PPME1: variants seen among roughly 807,000 people sequenced by gnomAD.
PPME1 encodes the protein testicular secretory protein Li 39.
In PPME1, 17 loss-of-function variants were observed where a neutral mutation model predicts 56.9. The observed-to-expected ratio is 0.30, with a 90% confidence interval of 0.20 to 0.45. The LOEUF is 0.45. PPME1 is among the 20% of genes least tolerant of loss of function. PPME1 has a pLI of 1.00. For missense variants in PPME1, 357 were observed against 483.2 expected (o/e 0.74, Z 2.45); for synonymous variants, 122 against 156.2 (o/e 0.78, Z 1.63).
At chr11:74,195,683 A>G (rs1252291536) in intron 1 of PPME1, among the ~76,000 whole-genome samples, 1 of 152,156 alleles carries the variant, frequency 6.6e-6, no homozygotes, top group Non-Finnish European at 1.5e-5. Flanking sequence ...TTTTCCAAAT[A>G]ATCTTCCCTG....
intron 1 of PPME1, among the ~76,000 whole-genome samples, chr11:74,182,199 T>C (rs1303273768): frequency 2.0e-5 from 3 of 152,208 alleles, no homozygotes; most frequent in Non-Finnish European, 4.4e-5. Flanking sequence ...GACTTTATTT[T>C]TTTTTAAATG....
At chr11:74,220,494 A>G (rs1371498983) in intron 3 of PPME1, among the ~76,000 whole-genome samples, 1 of 152,044 alleles carries the variant, frequency 6.6e-6, no homozygotes, top group Admixed American at 6.6e-5. Flanking sequence ...AGGGTTGAAA[A>G]CCACCTGGAA....
intron 1 of PPME1, among the ~76,000 whole-genome samples, chr11:74,182,385 G>A (rs1295208220): frequency 6.6e-6 from 1 of 150,650 alleles, no homozygotes; most frequent in African/African-American, 2.4e-5. Context: ...TTGAGACAGA[G>A]TTCTCACTCT....
chr11:74,179,378 C>G (rs1239953140), intron 1 of PPME1, among the ~76,000 whole-genome samples: 1 of 152,142 alleles, frequency 6.6e-6, no homozygotes, highest in Non-Finnish European at 1.5e-5. Context: ...CCTGTTAGTC[C>G]CAGCTACTTG....
chr11:74,253,697 C>G lies in PPME1; in HGVS notation c.*187C>G. The stretch of plus-strand genomic sequence containing the variant: ...GCCAAAAGCATTGTTTTCCAGGGCC[C>G]TTGACCAACATCGGCTTCCCCAGTC... On this transcript the variant is annotated 3_prime_UTR_variant, in exon 14 of 14. Coordinates refer to ENST00000328257, the MANE Select transcript of PPME1 (RefSeq NM_016147.3). 1 of 672,716 alleles carries G rather than the reference C, an allele frequency of 1.5e-6. No individual in the cohort carries two copies. The highest frequency in any genetic ancestry group is 2.6e-6 in the Non-Finnish European group (1 of 386,660). 41.7% of individuals were successfully genotyped at this position (672,716 alleles called of 1,614,324 possible). A position where few individuals can be genotyped will look rare whatever the true frequency, so the allele number is the denominator to read the frequency against.
intron 9 of PPME1, among the ~76,000 whole-genome samples, chr11:74,242,907 G>T (rs1280294998): frequency 1.3e-5 from 2 of 148,276 alleles, no homozygotes; most frequent in Non-Finnish European, 3.0e-5. Flanking sequence ...AAAAAAACAG[G>T]CTGGAAGAAA....
chr11:74,210,001 G>A (rs776908840), intron 3 of PPME1, among the ~76,000 whole-genome samples: 2 of 152,288 alleles, frequency 1.3e-5, no homozygotes, highest in Non-Finnish European at 2.9e-5. Context: ...GTTCGAGGTT[G>A]TAGTGAGCCA....
intron 1 of PPME1, among the ~76,000 whole-genome samples, chr11:74,199,056 T>C (rs888373991): frequency 1.3e-5 from 2 of 152,226 alleles, no homozygotes; most frequent in African/African-American, 4.8e-5. Flanking sequence ...GCTATTTTGT[T>C]GTTGTTTGTT....
intron 3 of PPME1, among the ~76,000 whole-genome samples, chr11:74,208,729 T>C (rs967432616): frequency 6.6e-6 from 1 of 152,150 alleles, no homozygotes; most frequent in Non-Finnish European, 1.5e-5. Context: ...ACAAAGGTAA[T>C]GCAGAGGAAG....
At chr11:74,205,801 A>G (rs1265289265) in intron 3 of PPME1, 1 of 152,218 alleles carries the variant, frequency 6.6e-6, no homozygotes, top group East Asian at 1.9e-4. Flanking sequence ...CTTGTCCATA[A>G]GTACCAGGCT....
chr11:74,173,310 T>C (rs1357707777), intron 1 of PPME1, among the ~76,000 whole-genome samples: 1 of 152,188 alleles, frequency 6.6e-6, no homozygotes, highest in African/African-American at 2.4e-5. Flanking sequence ...ATAAATTTGA[T>C]TTTTCAGTAT....
At chr11:74,208,313 GAAA>G (rs534209366) in intron 3 of PPME1, among the ~76,000 whole-genome samples, 104 of 110,112 alleles carry the variant, frequency 9.4e-4, no homozygotes, top group African/African-American at 3.0e-3. Flanking sequence ...TCTGTCTCAA[GAAA>G]AAAAAAAAAA....
chr11:74,187,852 T>C (rs1857726930), intron 1 of PPME1, among the ~76,000 whole-genome samples: 1 of 152,252 alleles, frequency 6.6e-6, no homozygotes, highest in African/African-American at 2.4e-5. Context: ...CAAATGGAAT[T>C]AAGGTTGCTA....
intron 1 of PPME1, among the ~76,000 whole-genome samples, chr11:74,183,845 A>G (rs1857602577): frequency 6.6e-6 from 1 of 152,182 alleles, no homozygotes; most frequent in South Asian, 2.1e-4. Flanking sequence ...GGCAGTTAGC[A>G]TTTAGGAGCT....
In PPME1 at chr11:74,215,764, CTCTT is replaced by C. The variant is rs1262359065; in HGVS notation, c.289-6546_289-6543del. ...ACTGACCTGTTGCCTACTAGAAACA[CTCTT>C]TATCTGTAAAGACACATATAGACTG... On this transcript the variant is annotated intron_variant, in intron 3 of 13. Transcript: ENST00000328257. 4.6e-5 allele frequency among the ~76,000 whole-genome samples: 7 copies of C among 152,282 alleles called. No homozygotes were observed. The East Asian group carries it at 1.3e-3, about 29-fold the overall frequency.
Position 74,230,101 on chromosome 11 carries a change from A to C in PPME1, c.399-144A>C. ...ATGCTGGGGACATGTTAGAAGGTTT[A>C]CATAGGTATGTTTGTAAGATGGCCC... On this transcript the variant is annotated intron_variant, in intron 5 of 13. Coordinates refer to ENST00000328257, the MANE Select transcript of PPME1 (RefSeq NM_016147.3). This position sits in a 1 kb window ranked among gnomAD's most constrained non-coding sequence, Gnocchi z 4.9. The C allele has an allele frequency of 1.2e-6, 1 of 817,392 alleles. No homozygotes were observed. Among genetic ancestry groups the C allele is most frequent in the East Asian group, 2.6e-5 (1 of 38,134 alleles). 50.6% of individuals were successfully genotyped at this position (817,392 alleles called of 1,614,324 possible).
intron 10 of PPME1, among the ~76,000 whole-genome samples, chr11:74,246,762 C>T (rs1859514648): frequency 6.6e-6 from 1 of 152,200 alleles, no homozygotes; most frequent in Admixed American, 6.5e-5. Context: ...TAAAGGATGA[C>T]CTAATTCTGG....
intron 5 of PPME1, among the ~76,000 whole-genome samples, chr11:74,229,386 T>G (rs117860399): frequency 6.9e-4 from 105 of 152,260 alleles, no homozygotes; most frequent in Non-Finnish European, 1.3e-3. Flanking sequence ...AAACACACCT[T>G]ACTGTTCTTA....
At chr11:74,236,605 C>G (rs1859196459) in intron 8 of PPME1, among the ~76,000 whole-genome samples, 1 of 152,128 alleles carries the variant, frequency 6.6e-6, no homozygotes, top group South Asian at 2.1e-4. Flanking sequence ...TTTTTAAAAC[C>G]TTATATTATG....
Sources: allele counts gnomAD v4.1 joint callset (sites outside exome capture counted in the v4.1 genomes callset), GRCh38; gene constraint gnomAD v4.1.1; non-coding constraint Gnocchi (gnomAD v3.1); transcripts MANE v1.5; gene names NCBI Gene and HGNC (gene_info 2026-07-23, HGNC 2026-07-21).